Variants in DBF4B observed in about 807,000 individuals in gnomAD.
DBF4B encodes DBF4B-CDC7 kinase regulatory subunit.
In DBF4B, 49 loss-of-function variants were observed where a neutral mutation model predicts 53.4. The observed-to-expected ratio is 0.92, with a 90% CI of 0.73 to 1.16. DBF4B has a LOEUF of 1.16. DBF4B is among the 50% of genes most tolerant of loss of function. The pLI is 0.00. For missense variants in DBF4B, 692 were observed against 775.0 expected (o/e 0.89, Z 1.27); for synonymous variants, 257 against 288.7 (o/e 0.89, Z 1.11).
intron 9 of DBF4B, 97 bp from the exon 10 acceptor site, chr17:44,741,239 C>G: frequency 1.2e-6 from 1 of 863,168 alleles, no homozygotes; most frequent in Non-Finnish European, 2.0e-6. Context: ...TGAGAGTCCA[C>G]TTTATCAGGG....
rs145385331 is a variant in DBF4B at position 44,730,096 on chromosome 17, G to A, written c.417G>A (p.Ser139=). The A allele has an allele frequency of 1.7e-4, 276 of 1,612,090 alleles. No homozygotes were observed. The African/African-American group carries it at 3.2e-3, about 19-fold the overall frequency. ...GGCCTTCACGGAAACCCGTTGACTC[G>A]GTAAGAACCTCATGTAGGAAAGGTA... ...HPRPSRKPVD[S]VPLSRGKELL... Residue 139 remains serine (S), a splice_region_variant and synonymous_variant, in exon 4 of 14, where the codon TCG becomes TCA. Coordinates refer to ENST00000315005, the MANE Select transcript of DBF4B (RefSeq NM_145663.3).
chr17:44,712,745 C>CT (rs140395882), intron 2 of DBF4B, among the ~76,000 whole-genome samples: 12,888 of 145,824 alleles, frequency 0.088, 598 homozygotes, highest in East Asian at 0.15. Flanking sequence ...GGCCTGTCTT[C>CT]TTTTTTTTTT....
Position 44,746,053 on chromosome 17 carries a change from CAAAAAAAA to C in DBF4B, c.831-1017_831-1010del, listed in dbSNP as rs61654485. Among the ~76,000 whole-genome samples, 6 of 110,664 alleles carry C rather than the reference CAAAAAAAA, an allele frequency of 5.4e-5. No homozygotes were observed. The East Asian group carries it at 1.6e-3, about 29-fold the overall frequency. 72.6% of individuals were successfully genotyped at this position (110,664 alleles called of 152,430 possible). A position where few individuals can be genotyped will look rare whatever the true frequency, so the allele number is the denominator to read the frequency against. On this transcript the variant is annotated intron_variant, in intron 10 of 13. Transcript: ENST00000315005. Reference sequence around the variant, plus strand: ...TGAAACCCTGTCTCTACTAAAAATACAAAAAAAAAAAAAAAAAAAAGAAAGAAAATTAG... The same window carrying C: ...TGAAACCCTGTCTCTACTAAAAATACAAAAAAAAAAAAGAAAGAAAATTAG...
chr17:44,725,681 C>CTTTTTTTT (rs1568172432), intron 3 of DBF4B, among the ~76,000 whole-genome samples: 3 of 79,092 alleles, frequency 3.8e-5, no homozygotes, highest in African/African-American at 2.2e-4. Flanking sequence ...TTTTTTTGTG[C>CTTTTTTTT]TTCTTTTTTT....
chr17:44,710,754 G>A (rs1972793498), intron 2 of DBF4B, among the ~76,000 whole-genome samples: 1 of 151,720 alleles, frequency 6.6e-6, no homozygotes, highest in Admixed American at 6.6e-5. Flanking sequence ...TGTTTGTTTT[G>A]TAGAGACGAG....
intron 5 of DBF4B, 133 bp downstream of exon 5, chr17:44,731,148 T>C (rs1455619804): frequency 1.3e-5 from 13 of 1,023,270 alleles, no homozygotes; most frequent in Non-Finnish European, 1.9e-5. Flanking sequence ...CATTATTTCC[T>C]TCTTCTACAT....
intron 1 of DBF4B, 120 bp downstream of exon 1, chr17:44,708,959 G>A: frequency 2.9e-6 from 4 of 1,393,162 alleles, no homozygotes; most frequent in Non-Finnish European, 3.9e-6. Flanking sequence ...AAGCTGAGGA[G>A]GGTATAGGGG....
intron 7 of DBF4B, among the ~76,000 whole-genome samples, chr17:44,736,148 AT>A (rs61077434): frequency 0.021 from 2,869 of 139,694 alleles, 48 homozygotes; most frequent in African/African-American, 0.052. Context: ...TGCCTGGCTA[AT>A]TTTTTTTTTT....
chr17:44,726,708 C>T (rs1263284905), intron 3 of DBF4B, among the ~76,000 whole-genome samples: 1 of 152,080 alleles, frequency 6.6e-6, no homozygotes, highest in Non-Finnish European at 1.5e-5. Context: ...AACTGTTGCT[C>T]TGTGGACATT....
At chr17:44,747,630 T>C in intron 12 of DBF4B, 115 bp downstream of exon 12, 13 of 1,365,546 alleles carry the variant, frequency 9.5e-6, no homozygotes, top group Non-Finnish European at 1.3e-5. Flanking sequence ...GTTTTCCTCT[T>C]TTCTCACCTT....
Position 44,749,565 on chromosome 17 carries a change from G to A in DBF4B, c.1190-1030G>A, listed in dbSNP as rs2049223365. The A allele has an allele frequency of 8.3e-7, 1 of 1,207,626 alleles. No homozygotes were observed. The highest frequency in any genetic ancestry group is 3.2e-5 in the Admixed American group (1 of 31,310). The allele number at this position is 1,207,626 out of a possible 1,614,324, so 74.8% of individuals were successfully genotyped here. A position where few individuals can be genotyped will look rare whatever the true frequency, so the allele number is the denominator to read the frequency against. On this transcript the variant is annotated intron_variant, in intron 13 of 13. Coordinates refer to ENST00000315005, the MANE Select transcript of DBF4B (RefSeq NM_145663.3). This position sits in a 1 kb window ranked among gnomAD's most constrained non-coding sequence, Gnocchi z 4.4. ...ACCCCTCCCACTGGCCAGGTCTTTG[G>A]GAGAGAATCTGGGCTGGGGGCTGCC...
At chr17:44,730,802 A>G (rs1245839308) in intron 4 of DBF4B, among the ~76,000 whole-genome samples, 163 bp from the exon 5 acceptor site, 2 of 152,004 alleles carry the variant, frequency 1.3e-5, no homozygotes, top group Non-Finnish European at 2.9e-5. Context: ...TACCTCCTAA[A>G]CGTTTTCTAG....
In DBF4B at chr17:44,750,744, TGC is replaced by T. The variant is rs756346002; in HGVS notation, c.1340_1341del (p.Cys447SerfsTer44). The T allele has an allele frequency of 1.9e-6, 3 of 1,614,078 alleles. No individual in the cohort carries two copies. The African/African-American group carries it at 4.0e-5, about 22-fold the overall frequency. On this transcript the variant is annotated frameshift_variant, in exon 14 of 14. Coordinates refer to ENST00000315005, the MANE Select transcript of DBF4B (RefSeq NM_145663.3). LOFTEE classifies it low-confidence loss of function (END_TRUNC). Reference protein sequence around the residue: ...GSREQGCLCPCPASFTQSHLV... With the variant: ...GSREQGCLCPXPASFTQSHLV... ...CAGGGAGCAGGGCTGCCTCTGTCCC[TGC>T]CCAGCCTCCTTTACCCAGTCTCATC... is the stretch of plus-strand genomic sequence containing the variant.
At position 44,748,632 on chromosome 17, in the gene DBF4B, A is replaced by G. The variant is rs779356356; in HGVS notation, c.1189+167A>G. 7 of 1,505,958 alleles carry G rather than the reference A, an allele frequency of 4.6e-6. No homozygotes were observed. The South Asian group carries it at 4.8e-5, about 10-fold the overall frequency. 93.3% of individuals were successfully genotyped at this position (1,505,958 alleles called of 1,614,324 possible). ...CAGTGTCCAGGAGCCCTGCTTGCCA[A>G]TGCCTCCTGCCTAGCTCTGGTTTTA... is the stretch of plus-strand genomic sequence containing the variant. On this transcript the variant is annotated intron_variant, in intron 13 of 13. Transcript: ENST00000315005.
chr17:44,746,711 C>G (rs991923112), intron 10 of DBF4B, among the ~76,000 whole-genome samples: 1 of 151,590 alleles, frequency 6.6e-6, no homozygotes, highest in Admixed American at 6.6e-5. Flanking sequence ...CCCAGCTACT[C>G]TGGAGGCTAA....
intron 2 of DBF4B, among the ~76,000 whole-genome samples, chr17:44,721,216 T>TAC: frequency 8.5e-6 from 1 of 118,034 alleles, no homozygotes; most frequent in Non-Finnish European, 1.7e-5. Flanking sequence ...AACTAATTCT[T>TAC]CCCCCCCCCT....
chr17:44,717,039 A>T (rs1176128465), intron 2 of DBF4B, among the ~76,000 whole-genome samples: 7 of 152,098 alleles, frequency 4.6e-5, no homozygotes, highest in Non-Finnish European at 1.0e-4. Flanking sequence ...AGAGAACAGA[A>T]GTTCTTGTAT....
chr17:44,732,477 G>T (rs1306471177), intron 6 of DBF4B: 2 of 570,804 alleles, frequency 3.5e-6, no homozygotes, highest in Non-Finnish European at 6.3e-6. Context: ...GCATCCCGCA[G>T]GAGGTCCCTA....
chr17:44,713,597 C>T (rs918997995), intron 2 of DBF4B, among the ~76,000 whole-genome samples: 8 of 151,948 alleles, frequency 5.3e-5, no homozygotes, highest in African/African-American at 1.7e-4. Flanking sequence ...TGTAGTGAGC[C>T]GAGATCATGC....
Sources: gnomAD v4.1 joint callset for allele counts (sites outside exome capture counted in the v4.1 genomes callset) on GRCh38, gnomAD v4.1.1 for gene constraint, Gnocchi (gnomAD v3.1) non-coding constraint, MANE v1.5 for transcripts, NCBI Gene and HGNC (gene_info 2026-07-23, HGNC 2026-07-21) for gene names.